DENND1A: variants seen among roughly 807,000 people sequenced by gnomAD.
The protein encoded by DENND1A is DENN domain containing 1A.
DENND1A carries 51 observed loss-of-function variants against 113.7 expected under a neutral mutation model. That is an observed-to-expected ratio of 0.45 (90% confidence interval 0.36 to 0.57). DENND1A has a LOEUF of 0.57. Among genes scored for constraint, DENND1A ranks in the 20% least tolerant of loss-of-function variants. The probability of loss-of-function intolerance (pLI) is 0.00; values close to 1 mark genes in which losing one functional copy is unlikely to be tolerated. For synonymous variants in DENND1A, 565 were observed against 570.8 expected, an observed-to-expected ratio of 0.99 and a Z score of 0.14; for missense variants, 1,258 against 1,395.9, an observed-to-expected ratio of 0.90 and a Z score of 1.57.
intron 22 of DENND1A, 51 bp from the exon 23 acceptor site, chr9:123,383,964 G>T: frequency 6.4e-7 from 1 of 1,571,136 alleles, no homozygotes; most frequent in South Asian, 1.2e-5. Flanking sequence ...TTCAGGGGAG[G>T]AGCAAGCGGA....
intron 1 of DENND1A, among the ~76,000 whole-genome samples, chr9:123,924,630 G>T (rs1007760986): frequency 3.4e-5 from 5 of 149,218 alleles, no homozygotes; most frequent in East Asian, 1.9e-4. Context: ...CAGCCTGGGG[G>T]ACAGAGTGAA....
At chr9:123,505,532 AAATAAAATTATTTCATTAACT>A (rs2052852833) in intron 13 of DENND1A, among the ~76,000 whole-genome samples, 1 of 152,228 alleles carries the variant, frequency 6.6e-6, no homozygotes, top group African/African-American at 2.4e-5. Flanking sequence ...GGGAAAAATG[AAATAAAATTATTTCATTAACT>A]AAACCAAACT....
chr9:123,413,482 T>C, intron 19 of DENND1A: 2 of 985,392 alleles, frequency 2.0e-6, no homozygotes, highest in Non-Finnish European at 2.4e-6. Context: ...TTAGAATTTG[T>C]TTTCTGAACC....
chr9:123,620,245 A>AAAAGG (rs2060890356), intron 10 of DENND1A, among the ~76,000 whole-genome samples: 3 of 150,072 alleles, frequency 2.0e-5, no homozygotes, highest in Admixed American at 6.6e-5. Context: ...AAAAGAAAAG[A>AAAAGG]AAAAGAAAAA....
At chr9:123,503,211 C>T (rs1309136613) in intron 13 of DENND1A, among the ~76,000 whole-genome samples, 1 of 152,182 alleles carries the variant, frequency 6.6e-6, no homozygotes, top group Non-Finnish European at 1.5e-5. Context: ...GGATTTGAGA[C>T]CTGAATATCA....
At chr9:123,557,899 C>G (rs776962674) in intron 12 of DENND1A, among the ~76,000 whole-genome samples, 1 of 151,652 alleles carries the variant, frequency 6.6e-6, no homozygotes, top group Non-Finnish European at 1.5e-5. Context: ...AGCTGAGGCA[C>G]GAGAATCACT....
intron 21 of DENND1A, among the ~76,000 whole-genome samples, chr9:123,395,818 AC>A (rs2043099250): frequency 6.6e-6 from 1 of 151,966 alleles, no homozygotes; most frequent in Non-Finnish European, 1.5e-5. Context: ...GGACGCCCCT[AC>A]CCCGCCTCCC....
intron 5 of DENND1A, among the ~76,000 whole-genome samples, chr9:123,707,633 A>T (rs911275317): frequency 5.9e-5 from 9 of 152,202 alleles, no homozygotes; most frequent in African/African-American, 2.2e-4. Flanking sequence ...AGAATTAATC[A>T]CATTTTTGGT....
chr9:123,635,920 T>C (rs1339739881), intron 9 of DENND1A, among the ~76,000 whole-genome samples: 2 of 152,194 alleles, frequency 1.3e-5, no homozygotes, highest in Non-Finnish European at 2.9e-5. Flanking sequence ...ATTTGTCCTG[T>C]ATGTAAAATA....
chr9:123,866,886 G>C (rs1845865905), intron 2 of DENND1A, among the ~76,000 whole-genome samples: 1 of 152,194 alleles, frequency 6.6e-6, no homozygotes, highest in Non-Finnish European at 1.5e-5. Flanking sequence ...AAAGTCTACA[G>C]ACTGGCCATT....
chr9:123,620,830 C>G (rs370951328), intron 10 of DENND1A, among the ~76,000 whole-genome samples: 1 of 151,544 alleles, frequency 6.6e-6, no homozygotes, highest in Non-Finnish European at 1.5e-5. Context: ...CCACTCTTGG[C>G]GTCTTGCTGC....
chr9:123,582,602 T>C (rs1679911091), intron 12 of DENND1A, among the ~76,000 whole-genome samples: 3 of 152,076 alleles, frequency 2.0e-5, no homozygotes, highest in Non-Finnish European at 2.9e-5. Context: ...TGTTTCACCA[T>C]GTTAGCCAGG....
At chr9:123,682,187 C>T (rs1369020571) in intron 5 of DENND1A, among the ~76,000 whole-genome samples, 1 of 152,106 alleles carries the variant, frequency 6.6e-6, no homozygotes. Flanking sequence ...TTCACAAAAC[C>T]AAAATAATGC....
chr9:123,586,993 C>G (rs1403910139), intron 11 of DENND1A, among the ~76,000 whole-genome samples: 5 of 151,932 alleles, frequency 3.3e-5, no homozygotes, highest in Non-Finnish European at 7.4e-5. Context: ...ACGGGGCTCT[C>G]TCTTTGTTCC....
chr9:123,711,021 T>C (rs1225166544), intron 5 of DENND1A, among the ~76,000 whole-genome samples: 3 of 152,160 alleles, frequency 2.0e-5, no homozygotes, highest in African/African-American at 7.2e-5. Flanking sequence ...GGATGAGTAA[T>C]GTATATTTGA....
At chr9:123,840,715 A>C (rs563025275) in intron 2 of DENND1A, among the ~76,000 whole-genome samples, 1 of 152,180 alleles carries the variant, frequency 6.6e-6, no homozygotes, top group South Asian at 2.1e-4. Flanking sequence ...CTACTGAAGA[A>C]CTCACTATAT....
At chr9:123,647,885 T>C (rs913922321) in intron 9 of DENND1A, among the ~76,000 whole-genome samples, 4 of 152,278 alleles carry the variant, frequency 2.6e-5, no homozygotes, top group African/African-American at 7.2e-5. Flanking sequence ...TATCCTACCA[T>C]ACATGACCAA....
chr9:123,844,344 T>C (rs1388417975), intron 2 of DENND1A, among the ~76,000 whole-genome samples: 3 of 152,158 alleles, frequency 2.0e-5, no homozygotes, highest in Admixed American at 6.5e-5. Flanking sequence ...AAAAACCTAT[T>C]AGAACTAATA....
At chr9:123,597,262 A>C (rs1253853704) in intron 11 of DENND1A, among the ~76,000 whole-genome samples, 1 of 152,194 alleles carries the variant, frequency 6.6e-6, no homozygotes, top group East Asian at 1.9e-4. Flanking sequence ...TGCCCCCATA[A>C]ACATGGCTTA....
Sources: allele counts gnomAD v4.1 joint callset (sites outside exome capture counted in the v4.1 genomes callset), GRCh38; gene constraint gnomAD v4.1.1; transcripts MANE v1.5; gene names NCBI Gene and HGNC (gene_info 2026-07-23, HGNC 2026-07-21).